The following ERC2 variants were observed in gnomAD, a reference collection of about 807,000 sequenced individuals.
ERC2 encodes the protein ELKS/RAB6-interacting/CAST family member 2, also known as ERC protein 2.
Under a neutral mutation model 114.8 loss-of-function variants are expected in ERC2, and 42 were observed. That is an observed-to-expected ratio of 0.37 (90% CI 0.29 to 0.47). The LOEUF (loss-of-function observed/expected upper bound fraction) is 0.47. Among genes scored for constraint, ERC2 ranks in the 20% least tolerant of loss-of-function variants. The probability of loss-of-function intolerance (pLI) is 0.99; values close to 1 mark genes in which losing one functional copy is unlikely to be tolerated. For missense variants in ERC2, 939 were observed against 1,150.7 expected (o/e 0.82, Z 2.66); for synonymous variants, 454 against 425.5 (o/e 1.07, Z -0.82).
At position 56,435,081 on chromosome 3, in the gene ERC2, C is replaced by G. The variant is rs1244121056; in HGVS notation, c.-74G>C. The G allele has an allele frequency of 2.5e-6, 3 of 1,181,766 alleles. No individual in the cohort carries two copies. The highest frequency in any genetic ancestry group is 2.3e-6 in the Non-Finnish European group (2 of 857,698). 73.2% of individuals were successfully genotyped at this position (1,181,766 alleles called of 1,614,324 possible). ...GTTGGGGTTTGAGCTAATATTTCCACGATTGTCCAGAATTTTCACCGCATT... is the reference window on the plus strand; with the variant it reads ...GTTGGGGTTTGAGCTAATATTTCCAGGATTGTCCAGAATTTTCACCGCATT... On this transcript the variant is annotated 5_prime_UTR_variant, in exon 2 of 18. Coordinates refer to ENST00000288221, the MANE Select transcript of ERC2 (RefSeq NM_015576.3).
At chr3:56,134,544 A>C (rs2080383567) in intron 6 of ERC2, among the ~76,000 whole-genome samples, 1 of 152,200 alleles carries the variant, frequency 6.6e-6, no homozygotes, top group African/African-American at 2.4e-5. Context: ...TGTGAATATT[A>C]GCATGTATGT....
chr3:56,031,355 G>A (rs2149622935), intron 7 of ERC2, among the ~76,000 whole-genome samples: 1 of 152,212 alleles, frequency 6.6e-6, no homozygotes, highest in East Asian at 1.9e-4. Context: ...TGTACATGCT[G>A]GCTCCAGGCC....
At chr3:55,817,864 C>A (rs1191784662) in intron 14 of ERC2, among the ~76,000 whole-genome samples, 1 of 152,190 alleles carries the variant, frequency 6.6e-6, no homozygotes, top group African/African-American at 2.4e-5. Flanking sequence ...CCATTATCAT[C>A]TTATTATTTT....
chr3:56,441,103 C>G (rs1297176765), intron 1 of ERC2, among the ~76,000 whole-genome samples: 2 of 152,216 alleles, frequency 1.3e-5, no homozygotes, highest in South Asian at 2.1e-4. Context: ...TCTGGTTTTG[C>G]TCTCTTAAAA....
intron 14 of ERC2, among the ~76,000 whole-genome samples, chr3:55,771,820 A>AATG (rs1405530809): frequency 6.6e-6 from 1 of 152,224 alleles, no homozygotes; most frequent in Non-Finnish European, 1.5e-5. Context: ...CTCCACCTGT[A>AATG]ATGGGAAATA....
chr3:55,931,808 G>A (rs2149403986), intron 13 of ERC2, among the ~76,000 whole-genome samples: 1 of 152,218 alleles, frequency 6.6e-6, no homozygotes, highest in Admixed American at 6.5e-5. Flanking sequence ...TCTTGGAGAG[G>A]TTCTGGGGTA....
intron 17 of ERC2, among the ~76,000 whole-genome samples, chr3:55,575,547 T>C (rs2056932929): frequency 6.6e-6 from 1 of 152,204 alleles, no homozygotes; most frequent in Non-Finnish European, 1.5e-5. Flanking sequence ...AGGGCTCTTA[T>C]AAGAATTCTT....
chr3:56,357,352 C>T (rs2058784219), intron 2 of ERC2, among the ~76,000 whole-genome samples: 1 of 152,172 alleles, frequency 6.6e-6, no homozygotes, highest in Non-Finnish European at 1.5e-5. Context: ...TCACGTGAGC[C>T]AATGAGCTTT....
intron 4 of ERC2, among the ~76,000 whole-genome samples, chr3:56,168,860 C>G (rs1346841337): frequency 6.6e-6 from 1 of 152,136 alleles, no homozygotes; most frequent in African/African-American, 2.4e-5. Flanking sequence ...TAAAGTTGCA[C>G]CTGAATGCAA....
chr3:56,441,508 G>A (rs570336239), intron 1 of ERC2, among the ~76,000 whole-genome samples: 2 of 152,294 alleles, frequency 1.3e-5, no homozygotes, highest in Admixed American at 6.5e-5. Flanking sequence ...TTAATATTGT[G>A]ATTGATAAAG....
At chr3:55,533,562 CAA>C (rs2053802781) in intron 17 of ERC2, among the ~76,000 whole-genome samples, 4 of 152,168 alleles carry the variant, frequency 2.6e-5, no homozygotes, top group Non-Finnish European at 5.9e-5. Flanking sequence ...GCAAAGAAGC[CAA>C]AGAGTAGAAG....
chr3:56,029,186 AATTTG>A (rs546343165), intron 7 of ERC2, among the ~76,000 whole-genome samples: 230 of 152,132 alleles, frequency 1.5e-3, no homozygotes, highest in Non-Finnish European at 2.3e-3. Context: ...AACATTTTTT[AATTTG>A]ATTTATGTAA....
intron 14 of ERC2, among the ~76,000 whole-genome samples, chr3:55,833,301 T>A (rs1288072606): frequency 2.7e-5 from 4 of 150,300 alleles, no homozygotes; most frequent in Admixed American, 6.6e-5. Flanking sequence ...CCAAGACACA[T>A]AATTGTCAGA....
chr3:55,639,490 A>T (rs937329201), intron 17 of ERC2, among the ~76,000 whole-genome samples: 2 of 152,160 alleles, frequency 1.3e-5, no homozygotes, highest in Admixed American at 6.5e-5. Flanking sequence ...GGAGACAAAG[A>T]GGAAGAAGAG....
chr3:56,150,346 C>T (rs1230871777), intron 4 of ERC2, among the ~76,000 whole-genome samples: 1 of 152,080 alleles, frequency 6.6e-6, no homozygotes, highest in African/African-American at 2.4e-5. Flanking sequence ...AGTGGTATAT[C>T]TCCTATGGCA....
intron 17 of ERC2, among the ~76,000 whole-genome samples, chr3:55,588,300 G>C (rs538937947): frequency 6.6e-6 from 1 of 151,854 alleles, no homozygotes; most frequent in South Asian, 2.1e-4. Flanking sequence ...CTTCCAACCA[G>C]GGCCTCCCCA....
At chr3:55,782,561 C>T (rs766410657) in intron 14 of ERC2, among the ~76,000 whole-genome samples, 18 of 152,178 alleles carry the variant, frequency 1.2e-4, no homozygotes, top group Admixed American at 3.9e-4. Context: ...TCGACAAATA[C>T]AGAGTCCCTC....
At chr3:55,931,575 G>C (rs1371114462) in intron 13 of ERC2, among the ~76,000 whole-genome samples, 2 of 152,134 alleles carry the variant, frequency 1.3e-5, no homozygotes, top group Non-Finnish European at 2.9e-5. Flanking sequence ...ACACAGGGAG[G>C]GGAACACCAC....
intron 3 of ERC2, among the ~76,000 whole-genome samples, chr3:56,183,781 G>T (rs1247108231): frequency 6.6e-6 from 1 of 152,098 alleles, no homozygotes; most frequent in Non-Finnish European, 1.5e-5. Flanking sequence ...AGTTTCCCAG[G>T]GTTGTTGGAG....
Sources: gnomAD v4.1 joint callset for allele counts (sites outside exome capture counted in the v4.1 genomes callset) on GRCh38, gnomAD v4.1.1 for gene constraint, MANE v1.5 for transcripts, NCBI Gene and HGNC (gene_info 2026-07-23, HGNC 2026-07-21) for gene names.